AP1B1: variants seen among roughly 807,000 people sequenced by gnomAD.
AP1B1 encodes the protein adaptor related protein complex 1 subunit beta 1, also known as AP-1 complex subunit beta-1.
AP1B1 carries 36 observed loss-of-function variants against 104.3 expected under a neutral mutation model. The observed-to-expected ratio is 0.35, with a 90% CI of 0.26 to 0.46. AP1B1 has a LOEUF of 0.46. Ranked by LOEUF, AP1B1 falls within the 20% of genes least tolerant of loss-of-function variation. The probability of loss-of-function intolerance (pLI) is 1.00; values close to 1 mark genes in which losing one functional copy is unlikely to be tolerated. For synonymous variants in AP1B1, 504 were observed against 517.5 expected, an observed-to-expected ratio of 0.97 and a Z score of 0.35; for missense variants, 901 against 1,247.9, an observed-to-expected ratio of 0.72 and a Z score of 4.19.
chr22:29,353,202 AG>A (rs1237519565), intron 7 of AP1B1, among the ~76,000 whole-genome samples: 1 of 152,172 alleles, frequency 6.6e-6, no homozygotes, highest in African/African-American at 2.4e-5. Flanking sequence ...ACAGATGGTG[AG>A]GAAGGGAGAA....
rs943268041 is a variant in AP1B1 at position 29,388,564 on chromosome 22, G to A, written c.-168C>T. On this transcript the variant is annotated 5_prime_UTR_variant, in exon 1 of 23. Transcript: ENST00000357586. Reference sequence around the variant, plus strand: ...CGCGGCTGTCACCTGCCGGGCGGAAGTGAGCTGCCCGCGCGCGGGTACTTC... The same window carrying A: ...CGCGGCTGTCACCTGCCGGGCGGAAATGAGCTGCCCGCGCGCGGGTACTTC... 3 of 152,308 alleles carry A rather than the reference G, an allele frequency of 2.0e-5. No individual in the cohort carries two copies. The highest frequency in any genetic ancestry group is 2.9e-5 in the Non-Finnish European group (2 of 68,092). The allele number at this position is 152,308 out of a possible 1,614,324, so 9.4% of individuals were successfully genotyped here. A position where few individuals can be genotyped will look rare whatever the true frequency, so the allele number is the denominator to read the frequency against.
At chr22:29,351,676 C>T (rs1380727252) in intron 8 of AP1B1, 29 bp downstream of exon 8, 1 of 1,612,146 alleles carries the variant, frequency 6.2e-7, no homozygotes, top group Admixed American at 1.7e-5. Flanking sequence ...CACACTGAGC[C>T]CGTGTCCTGA....
intron 16 of AP1B1, among the ~76,000 whole-genome samples, chr22:29,335,593 C>G (rs2061626646): frequency 6.6e-6 from 1 of 152,212 alleles, no homozygotes; most frequent in Non-Finnish European, 1.5e-5. Flanking sequence ...TCCACCCTCT[C>G]CCCCTTTCCA....
At chr22:29,378,552 CAAAAAAAAAAA>C (rs145933767) in intron 1 of AP1B1, among the ~76,000 whole-genome samples, 1 of 48,484 alleles carries the variant, frequency 2.1e-5, no homozygotes, top group Admixed American at 2.9e-4. Flanking sequence ...AACTCCGTAT[CAAAAAAAAAAA>C]AAAAAAAAAA....
rs750580486 is a variant in AP1B1, at chr22:29,331,900, C to T, written c.2326G>A (p.Ala776Thr). ...FNRNSFGLAP[A>T]APLQVHAPLS... ...GGCGCGTGGACCTGGAGGGGGGCGG[C>T]GGGGGCCAGGCCAAAGCTGGGGAGA... The change falls in exon 18 of 23, where the codon GCC becomes ACC. Residue 776 changes from alanine to threonine, a missense_variant. Around this residue, in one of 3 missense-constraint regions of AP1B1, gnomAD observed 424 missense variants for 494.0 expected, o/e 0.86. Coordinates refer to ENST00000357586, the MANE Select transcript of AP1B1 (RefSeq NM_001127.4). 2.5e-5 allele frequency: 40 copies of T among 1,609,074 alleles called. No individual in the cohort carries two copies. In the East Asian group the frequency reaches 3.4e-4, roughly 13 times the overall value.
At chr22:29,329,547 G>T (rs974680350) in intron 22 of AP1B1, 165 bp downstream of exon 22, 31 of 1,480,318 alleles carry the variant, frequency 2.1e-5, no homozygotes, top group Non-Finnish European at 2.2e-5. Flanking sequence ...GTGAATGTGT[G>T]GAAGTGGGGT....
intron 16 of AP1B1, among the ~76,000 whole-genome samples, chr22:29,338,074 T>C (rs972859865): frequency 6.6e-6 from 1 of 152,194 alleles, no homozygotes; most frequent in Non-Finnish European, 1.5e-5. Flanking sequence ...CTAGGTGGCA[T>C]AGTGGGCATC....
rs2062004420 is a variant in AP1B1 at position 29,359,052 on chromosome 22, G to A, written c.280-81C>T. 2.1e-6 allele frequency: 3 copies of A among 1,403,264 alleles called. No homozygotes were observed. In the South Asian group the frequency reaches 4.0e-5, roughly 19 times the overall value. 86.9% of individuals were successfully genotyped at this position (1,403,264 alleles called of 1,614,324 possible). ...CATATTCTCCCTGGCCTGCAGCTCTGAGCCCTGCTAGGCTGAGCGACATCA... is the reference window on the plus strand; with the variant it reads ...CATATTCTCCCTGGCCTGCAGCTCTAAGCCCTGCTAGGCTGAGCGACATCA... On this transcript the variant is annotated intron_variant, in intron 4 of 22. Coordinates refer to ENST00000357586, the MANE Select transcript of AP1B1 (RefSeq NM_001127.4).
Position 29,339,112 on chromosome 22 carries a change from C to G in AP1B1, c.2041G>C (p.Ala681Pro), listed in dbSNP as rs2061677631. Residue 681 changes from alanine (A) to proline (P), a missense_variant, in exon 16 of 23, where the codon GCA (alanine) becomes CCA (proline). Transcript: ENST00000357586. Reference sequence around the variant, plus strand: ...GCTGGTACTGCTGCTGTTGGAGGTGCCACGAAGTTGGTGCCCCCAATCTGG... The same window carrying G: ...GCTGGTACTGCTGCTGTTGGAGGTGGCACGAAGTTGGTGCCCCCAATCTGG... ...PEGIGGTNFV[A>P]PPTAAVPANL... is the part of the protein sequence containing the mutation. 6.2e-7 allele frequency: 1 copy of G among 1,614,166 alleles called. No homozygotes were observed. The highest frequency in any genetic ancestry group is 8.5e-7 in the Non-Finnish European group (1 of 1,180,032).
chr22:29,386,653 TA>T (rs917994703), intron 1 of AP1B1, among the ~76,000 whole-genome samples: 45 of 148,562 alleles, frequency 3.0e-4, no homozygotes, highest in African/African-American at 6.6e-4. Flanking sequence ...TCACACAGCT[TA>T]AAAAAAAAAG....
At chr22:29,350,192 C>T (rs1359423267) in intron 9 of AP1B1, 42 bp from the exon 10 acceptor site, 1 of 1,521,396 alleles carries the variant, frequency 6.6e-7, no homozygotes, top group Non-Finnish European at 9.1e-7. Context: ...CCCCGCACCC[C>T]ATTTCCAGTA....
At chr22:29,329,567 T>C (rs2061525784) in intron 22 of AP1B1, 145 bp downstream of exon 22, 1 of 1,512,766 alleles carries the variant, frequency 6.6e-7, no homozygotes, top group Non-Finnish European at 8.9e-7. Flanking sequence ...TGTCAGCACC[T>C]CAATCAGGGC....
intron 1 of AP1B1, among the ~76,000 whole-genome samples, chr22:29,371,684 C>T (rs1184533547): frequency 2.0e-5 from 3 of 151,764 alleles, no homozygotes; most frequent in African/African-American, 4.8e-5. Context: ...GCAGAGATCG[C>T]GCCACTGCAC....
intron 11 of AP1B1, among the ~76,000 whole-genome samples, chr22:29,347,057 A>C (rs1380554328): frequency 6.6e-6 from 1 of 150,906 alleles, no homozygotes; most frequent in Non-Finnish European, 1.5e-5. Flanking sequence ...GAGGGGAAAA[A>C]CTCTTCCCAT....
intron 6 of AP1B1, 81 bp from the exon 7 acceptor site, chr22:29,354,952 C>T (rs2061932883): frequency 4.6e-6 from 6 of 1,302,306 alleles, no homozygotes; most frequent in South Asian, 2.6e-5. Context: ...ATAGCATGTC[C>T]AGGCCAGGCG....
intron 14 of AP1B1, among the ~76,000 whole-genome samples, chr22:29,340,447 C>T (rs796570292): frequency 5.3e-5 from 8 of 152,214 alleles, no homozygotes; most frequent in African/African-American, 1.4e-4. Flanking sequence ...AGGGGCTGTG[C>T]GACCTCGGAG....
intron 11 of AP1B1, among the ~76,000 whole-genome samples, chr22:29,344,459 G>A (rs2061759439): frequency 1.3e-5 from 2 of 151,812 alleles, no homozygotes; most frequent in South Asian, 2.1e-4. Context: ...CATCCAGACA[G>A]GATGGGATGG....
intron 20 of AP1B1, 37 bp from the exon 21 acceptor site, chr22:29,330,569 C>T (rs777576866): frequency 8.1e-6 from 13 of 1,612,154 alleles, no homozygotes; most frequent in African/African-American, 1.3e-5. Context: ...CCCCAGTCAG[C>T]GCGGGGGCCT....
At chr22:29,380,334 C>G (rs5763180) in intron 1 of AP1B1, among the ~76,000 whole-genome samples, 23,785 of 152,050 alleles carry the variant, frequency 0.16, 2,042 homozygotes, top group East Asian at 0.29. Flanking sequence ...CCCATCTATG[C>G]TATTTTGCCT....
Sources: allele counts gnomAD v4.1 joint callset (sites outside exome capture counted in the v4.1 genomes callset), GRCh38; gene constraint gnomAD v4.1.1; regional missense constraint gnomAD v4.1.1; transcripts MANE v1.5; gene names NCBI Gene and HGNC (gene_info 2026-07-23, HGNC 2026-07-21).